Variants in MREG observed in about 807,000 individuals in gnomAD.
MREG encodes melanoregulin, also known as dilute suppressor protein homolog.
MREG carries 31 observed loss-of-function variants against 28.5 expected under a neutral mutation model. The observed-to-expected ratio is 1.09, with a 90% CI of 0.82 to 1.47. The LOEUF is 1.47. Ranked by LOEUF, MREG falls within the 40% of genes most tolerant of loss-of-function variation. The pLI is 0.00. For synonymous variants in MREG, 106 were observed against 95.2 expected (o/e 1.11, Z -0.66); for missense variants, 256 against 257.4 (o/e 0.99, Z 0.04).
At chr2:216,013,931 T>C (rs1457469244), upstream of MREG, among the ~76,000 whole-genome samples, 1 of 152,144 alleles carries the variant, frequency 6.6e-6, no homozygotes, top group East Asian at 1.9e-4. Context: ...TTTTTTTAAA[T>C]AATATATTTA....
At chr2:216,004,576 A>C (rs1318933041) in intron 1 of MREG, among the ~76,000 whole-genome samples, 5 of 142,524 alleles carry the variant, frequency 3.5e-5, no homozygotes, top group Non-Finnish European at 4.6e-5. Context: ...AAAAAAAAAA[A>C]CCTGTGCCTG....
chr2:215,950,484 T>C (rs1235896603), intron 2 of MREG, among the ~76,000 whole-genome samples: 1 of 152,202 alleles, frequency 6.6e-6, no homozygotes, highest in Non-Finnish European at 1.5e-5. Flanking sequence ...GATGGATCCA[T>C]AGTTGATGCA....
chr2:215,970,809 A>T (rs1693069815), intron 2 of MREG, among the ~76,000 whole-genome samples: 2 of 152,220 alleles, frequency 1.3e-5, no homozygotes, highest in South Asian at 4.1e-4. Context: ...GGATAAGATG[A>T]TCACAGCTTC....
intron 2 of MREG, among the ~76,000 whole-genome samples, chr2:215,948,719 T>A (rs1333359907): frequency 1.3e-5 from 2 of 152,180 alleles, no homozygotes; most frequent in Non-Finnish European, 2.9e-5. Context: ...CCAGCTCTGT[T>A]ATTTACTAAC....
intron 1 of MREG, among the ~76,000 whole-genome samples, chr2:216,018,707 C>T (rs539080725): frequency 2.0e-5 from 3 of 152,352 alleles, no homozygotes; most frequent in South Asian, 2.1e-4. Context: ...AGTGGCATGA[C>T]TAATGTTACC....
chr2:216,030,948 TCTCTCTCTCACACACACACA>T (rs1694676649), intron 1 of MREG, among the ~76,000 whole-genome samples: 1 of 97,334 alleles, frequency 1.0e-5, no homozygotes, highest in African/African-American at 4.1e-5. Flanking sequence ...TCTCTCTCTC[TCTCTCTCTCACACACACACA>T]CACACACACA....
intron 2 of MREG, among the ~76,000 whole-genome samples, chr2:215,995,139 A>G (rs1693832581): frequency 6.6e-6 from 1 of 152,190 alleles, no homozygotes; most frequent in African/African-American, 2.4e-5. Context: ...AGCAGGATTT[A>G]TGACTTGCCT....
chr2:216,001,590 T>C (rs1231442745), intron 1 of MREG, among the ~76,000 whole-genome samples: 1 of 152,212 alleles, frequency 6.6e-6, no homozygotes, highest in Non-Finnish European at 1.5e-5. Context: ...CAAGCTTTCT[T>C]TGGGGCATAG....
intron 1 of MREG, among the ~76,000 whole-genome samples, chr2:216,026,022 AT>A (rs748924686): frequency 5.3e-5 from 8 of 152,238 alleles, no homozygotes; most frequent in Non-Finnish European, 1.5e-5. Context: ...CATAAACATG[AT>A]GAAAACTCTT....
At chr2:216,001,239 C>G (rs2106022601) in intron 1 of MREG, among the ~76,000 whole-genome samples, 1 of 152,338 alleles carries the variant, frequency 6.6e-6, no homozygotes, top group Admixed American at 6.5e-5. Context: ...ATAGGAAGGT[C>G]AACCCCAGCC....
intron 2 of MREG, among the ~76,000 whole-genome samples, chr2:215,951,505 C>T (rs1692484318): frequency 6.6e-6 from 1 of 152,104 alleles, no homozygotes; most frequent in Non-Finnish European, 1.5e-5. Flanking sequence ...ATTTGTTTTT[C>T]CTTAATTTCT....
intron 2 of MREG, among the ~76,000 whole-genome samples, chr2:215,980,313 A>C (rs1250760994): frequency 1.3e-5 from 2 of 152,230 alleles, no homozygotes; most frequent in African/African-American, 2.4e-5. Flanking sequence ...CAGGGCAGTG[A>C]GGTCAATGAG....
chr2:215,952,562 T>C (rs1010250615), intron 2 of MREG, among the ~76,000 whole-genome samples: 1 of 152,172 alleles, frequency 6.6e-6, no homozygotes, highest in Non-Finnish European at 1.5e-5. Context: ...TACTTTTTAT[T>C]TCTTATAAAA....
At chr2:216,019,933 T>G (rs2888386) in intron 1 of MREG, among the ~76,000 whole-genome samples, 20,924 of 152,128 alleles carry the variant, frequency 0.14, 1,772 homozygotes, top group South Asian at 0.22. Context: ...TTATAACTTC[T>G]CCTCAAAATT....
intron 1 of MREG, among the ~76,000 whole-genome samples, chr2:216,002,585 C>T (rs764961249): frequency 4.6e-5 from 7 of 152,250 alleles, no homozygotes; most frequent in Non-Finnish European, 1.0e-4. Context: ...GAAAAACAGG[C>T]TGCCAGGTCC....
intron 2 of MREG, among the ~76,000 whole-genome samples, chr2:215,985,338 A>AGGCTGT (rs1693539656): frequency 6.6e-6 from 1 of 152,228 alleles, no homozygotes; most frequent in Admixed American, 6.5e-5. Flanking sequence ...AGGAACATTG[A>AGGCTGT]GGCTGTTTAC....
At chr2:215,954,736 T>C (rs547964753) in intron 2 of MREG, among the ~76,000 whole-genome samples, 1 of 151,942 alleles carries the variant, frequency 6.6e-6, no homozygotes, top group Non-Finnish European at 1.5e-5. Context: ...GGAGTTTCAC[T>C]CTTGTTGCCC....
intron 1 of MREG, among the ~76,000 whole-genome samples, chr2:216,008,081 A>G (rs1694208840): frequency 6.6e-6 from 1 of 152,046 alleles, no homozygotes; most frequent in Non-Finnish European, 1.5e-5. Context: ...TAACTACCAC[A>G]GACAACAAGA....
At chr2:215,950,430 C>G (rs1403071814) in intron 2 of MREG, among the ~76,000 whole-genome samples, 7 of 152,132 alleles carry the variant, frequency 4.6e-5, no homozygotes, top group Admixed American at 4.6e-4. Flanking sequence ...AATGGGGAAG[C>G]AACACATAAC....
Sources: gnomAD v4.1 joint callset for allele counts (sites outside exome capture counted in the v4.1 genomes callset) on GRCh38, gnomAD v4.1.1 for gene constraint, MANE v1.5 for transcripts, NCBI Gene and HGNC (gene_info 2026-07-23, HGNC 2026-07-21) for gene names.